Variants in PGAP1 observed in about 807,000 individuals in gnomAD.
The protein encoded by PGAP1 is post-GPI attachment to proteins inositol deacylase 1.
Under a neutral mutation model 127.0 loss-of-function variants are expected in PGAP1, and 76 were observed. The ratio of observed to expected loss-of-function variants is 0.60; its 90% CI spans 0.50 to 0.72. The LOEUF is 0.72. Among genes scored for constraint, PGAP1 ranks in the 30% least tolerant of loss-of-function variants. The pLI, the probability that PGAP1 is intolerant of heterozygous loss-of-function variation, is 0.00. For missense variants in PGAP1, 982 were observed against 1,071.3 expected (o/e 0.92, Z 1.16); for synonymous variants, 362 against 366.5 (o/e 0.99, Z 0.14).
intron 12 of PGAP1, among the ~76,000 whole-genome samples, chr2:196,883,580 G>C (rs1230662900): frequency 6.6e-6 from 1 of 152,094 alleles, no homozygotes; most frequent in Non-Finnish European, 1.5e-5. Context: ...CACTCTAATG[G>C]CTTTTAAGTA....
intron 23 of PGAP1, among the ~76,000 whole-genome samples, chr2:196,845,180 T>C (rs1442945073): frequency 2.0e-5 from 3 of 152,082 alleles, no homozygotes; most frequent in East Asian, 3.9e-4. Context: ...CTGTAAATAA[T>C]TTTTTAAGAA....
chr2:196,888,089 A>G (rs1701977185), intron 10 of PGAP1, among the ~76,000 whole-genome samples: 1 of 152,224 alleles, frequency 6.6e-6, no homozygotes, highest in Non-Finnish European at 1.5e-5. Context: ...TAACACCATC[A>G]AAGTCCATCA....
intron 12 of PGAP1, among the ~76,000 whole-genome samples, chr2:196,881,321 C>T (rs1559351210): frequency 6.6e-6 from 1 of 152,146 alleles, no homozygotes; most frequent in Non-Finnish European, 1.5e-5. Flanking sequence ...AATGGTGCTG[C>T]AATGAACACA....
chr2:196,911,606 T>TAAAAA (rs56107551), intron 4 of PGAP1, among the ~76,000 whole-genome samples: 25 of 77,286 alleles, frequency 3.2e-4, no homozygotes, highest in Non-Finnish European at 4.0e-4. Flanking sequence ...TAGAGTATAA[T>TAAAAA]AAAAAAAAAA....
intron 20 of PGAP1, among the ~76,000 whole-genome samples, chr2:196,862,372 G>A (rs1452143475): frequency 6.6e-6 from 1 of 152,110 alleles, no homozygotes; most frequent in Non-Finnish European, 1.5e-5. Flanking sequence ...CCTGTCTCCT[G>A]ATAAGATGTT....
Position 196,840,950 on chromosome 2 carries a change from CAG to C in PGAP1, c.*282_*283del, listed in dbSNP as rs1389626450. The C allele has an allele frequency of 7.6e-6, 2 of 261,890 alleles. No individual in the cohort carries two copies. Among genetic ancestry groups the C allele is most frequent in the Non-Finnish European group, 7.1e-6 (1 of 139,916 alleles). The allele number at this position is 261,890 out of a possible 1,614,324, so 16.2% of individuals were successfully genotyped here. On this transcript the variant is annotated 3_prime_UTR_variant, in exon 27 of 27. Transcript: ENST00000354764. ...CAGACTTCTCGTACAGTTGATAAAA[CAG>C]ACTATTTTATATGCACAGGAGTCCT...
chr2:196,905,118 A>G (rs1702651714), intron 4 of PGAP1, among the ~76,000 whole-genome samples: 1 of 152,206 alleles, frequency 6.6e-6, no homozygotes, highest in Non-Finnish European at 1.5e-5. Flanking sequence ...CCTTATAGAG[A>G]CAGAACAGTG....
chr2:196,888,963 G>A (rs1031426263), intron 10 of PGAP1, among the ~76,000 whole-genome samples: 2 of 152,088 alleles, frequency 1.3e-5, no homozygotes, highest in African/African-American at 4.8e-5. Flanking sequence ...TGTTAAAGCT[G>A]TGTGTTGATT....
chr2:196,885,756 G>A (rs1424192599), intron 11 of PGAP1, 78 bp downstream of exon 11: 2 of 885,584 alleles, frequency 2.3e-6, no homozygotes, highest in African/African-American at 3.5e-5. Flanking sequence ...AAATAACAAT[G>A]TATGAAACTA....
chr2:196,890,560 T>C (rs1702062889), intron 10 of PGAP1, among the ~76,000 whole-genome samples: 1 of 152,140 alleles, frequency 6.6e-6, no homozygotes, highest in South Asian at 2.1e-4. Flanking sequence ...TTGAATTCCA[T>C]TCCTTCATCA....
At chr2:196,871,756 C>CA (rs1326559841) in intron 18 of PGAP1, among the ~76,000 whole-genome samples, 1 of 152,094 alleles carries the variant, frequency 6.6e-6, no homozygotes, top group Non-Finnish European at 1.5e-5. Flanking sequence ...TTAGTTCTAA[C>CA]AAAGAATCCA....
intron 5 of PGAP1, among the ~76,000 whole-genome samples, chr2:196,902,123 G>A (rs890942870): frequency 1.3e-5 from 2 of 152,154 alleles, no homozygotes; most frequent in African/African-American, 4.8e-5. Context: ...GGACTCAAGT[G>A]ATTCTCTTGC....
intron 20 of PGAP1, among the ~76,000 whole-genome samples, chr2:196,856,338 G>C (rs1700882377): frequency 6.6e-6 from 1 of 152,064 alleles, no homozygotes; most frequent in Non-Finnish European, 1.5e-5. Flanking sequence ...TTAAATCTGA[G>C]ATTGCTATGT....
chr2:196,882,671 A>G (rs1431439823), intron 12 of PGAP1, among the ~76,000 whole-genome samples: 1 of 152,188 alleles, frequency 6.6e-6, no homozygotes, highest in Non-Finnish European at 1.5e-5. Context: ...TGGTGTCAAT[A>G]GGAATGTTAG....
chr2:196,916,018 G>T (rs912598308), intron 3 of PGAP1, among the ~76,000 whole-genome samples: 17 of 152,248 alleles, frequency 1.1e-4, no homozygotes, highest in Admixed American at 9.8e-4. Flanking sequence ...GTCCTTTGCT[G>T]CTCTGTTGTC....
At chr2:196,845,191 G>A (rs760503315) in intron 23 of PGAP1, among the ~76,000 whole-genome samples, 1 of 151,808 alleles carries the variant, frequency 6.6e-6, no homozygotes, top group South Asian at 2.1e-4. Context: ...TTTTTAAGAA[G>A]CATATAAATT....
intron 19 of PGAP1, among the ~76,000 whole-genome samples, chr2:196,869,559 C>G (rs1701347694): frequency 6.6e-6 from 1 of 152,146 alleles, no homozygotes; most frequent in South Asian, 2.1e-4. Context: ...TGGTCTTGGT[C>G]TCCTGACCTC....
intron 1 of PGAP1, 82 bp downstream of exon 1, chr2:196,926,388 G>A: frequency 1.3e-6 from 2 of 1,596,040 alleles, no homozygotes; most frequent in Non-Finnish European, 1.7e-6. Flanking sequence ...AGAGAGCCAA[G>A]GCAGGACGAA....
chr2:196,885,054 C>T (rs1701854445), intron 12 of PGAP1, among the ~76,000 whole-genome samples: 1 of 152,134 alleles, frequency 6.6e-6, no homozygotes, highest in African/African-American at 2.4e-5. Context: ...ACTGCAGGCC[C>T]TTCCTCCCAA....
Sources: gnomAD v4.1 joint callset for allele counts (sites outside exome capture counted in the v4.1 genomes callset) on GRCh38, gnomAD v4.1.1 for gene constraint, MANE v1.5 for transcripts, NCBI Gene and HGNC (gene_info 2026-07-23, HGNC 2026-07-21) for gene names.